PRR16: variants seen among roughly 807,000 people sequenced by gnomAD.
PRR16 encodes proline rich 16, also known as protein Largen.
A neutral mutation model predicts 18.2 loss-of-function variants in PRR16; 6 were observed. That is an observed-to-expected ratio of 0.33 (90% CI 0.18 to 0.65). The LOEUF (loss-of-function observed/expected upper bound fraction) is 0.65, where lower values mean the gene tolerates loss of function less well. PRR16 is among the 30% of genes least tolerant of loss of function. PRR16 has a pLI of 0.74. For missense variants in PRR16, 412 were observed against 376.6 expected (o/e 1.09, Z -0.78); for synonymous variants, 151 against 147.8 (o/e 1.02, Z -0.16).
At chr5:120,651,938 A>G (rs894763341) in intron 1 of PRR16, among the ~76,000 whole-genome samples, 103 of 152,012 alleles carry the variant, frequency 6.8e-4, no homozygotes, top group African/African-American at 2.3e-3. Context: ...CATTTTCACG[A>G]TATTGATTCT....
chr5:120,733,767 C>A, the PRR16 span, among the ~76,000 whole-genome samples: 2 of 152,042 alleles, frequency 1.3e-5, no homozygotes, highest in African/African-American at 4.8e-5. Flanking sequence ...AAAATAGTTT[C>A]TAAAAATTTT....
chr5:120,769,336 C>A, the PRR16 span, among the ~76,000 whole-genome samples: 1 of 151,742 alleles, frequency 6.6e-6, no homozygotes, highest in African/African-American at 2.4e-5. Flanking sequence ...TTTCTTGTGT[C>A]TCCCCCTCCC....
the PRR16 span, among the ~76,000 whole-genome samples, chr5:120,779,897 C>G: frequency 6.6e-6 from 1 of 152,134 alleles, no homozygotes; most frequent in South Asian, 2.1e-4. Flanking sequence ...TTTCAAGAAT[C>G]AAGCTCTTGG....
At chr5:120,617,074 G>A in intron 1 of PRR16, 1 of 977,702 alleles carries the variant, frequency 1.0e-6, no homozygotes, top group Non-Finnish European at 1.2e-6. Context: ...ATTTTTTAAA[G>A]TTTTCTAATT....
At chr5:120,770,774 G>T in the PRR16 span, among the ~76,000 whole-genome samples, 1 of 151,898 alleles carries the variant, frequency 6.6e-6, no homozygotes, top group African/African-American at 2.4e-5. Flanking sequence ...TGTTTTCACT[G>T]ACTAGCTCTC....
At chr5:120,758,482 G>A in the PRR16 span, among the ~76,000 whole-genome samples, 35 of 152,126 alleles carry the variant, frequency 2.3e-4, no homozygotes, top group Middle Eastern at 6.8e-3. Flanking sequence ...ATATGGTTTC[G>A]CTTTGTGTCC....
At chr5:120,525,033 A>G (rs1249444600) in intron 1 of PRR16, among the ~76,000 whole-genome samples, 1 of 152,048 alleles carries the variant, frequency 6.6e-6, no homozygotes, top group Admixed American at 6.6e-5. Context: ...GCCAGTCTAT[A>G]AGTCTTCTTG....
intron 1 of PRR16, among the ~76,000 whole-genome samples, chr5:120,626,994 T>C (rs1295507759): frequency 6.6e-6 from 1 of 152,158 alleles, no homozygotes; most frequent in African/African-American, 2.4e-5. Context: ...ATTATATTTA[T>C]ATATAAAGGA....
the PRR16 span, among the ~76,000 whole-genome samples, chr5:120,745,402 G>A: frequency 6.6e-6 from 1 of 152,112 alleles, no homozygotes; most frequent in African/African-American, 2.4e-5. Context: ...TCTTTAAGCA[G>A]CATCCACTCT....
intron 1 of PRR16, among the ~76,000 whole-genome samples, chr5:120,593,990 A>G (rs1345502746): frequency 6.6e-6 from 1 of 152,002 alleles, no homozygotes; most frequent in African/African-American, 2.4e-5. Flanking sequence ...GAGGCACAGA[A>G]GGAACGTACT....
intron 1 of PRR16, among the ~76,000 whole-genome samples, chr5:120,662,099 A>T (rs1181572715): frequency 1.3e-5 from 2 of 152,130 alleles, no homozygotes; most frequent in African/African-American, 4.8e-5. Flanking sequence ...ACATCCTGAC[A>T]TGGAATGCTG....
intron 1 of PRR16, among the ~76,000 whole-genome samples, chr5:120,548,365 C>G (rs1752139978): frequency 6.6e-6 from 1 of 152,044 alleles, no homozygotes; most frequent in Admixed American, 6.6e-5. Flanking sequence ...ACAAGTCTCT[C>G]CTTAAAGCTC....
the PRR16 span, among the ~76,000 whole-genome samples, chr5:120,698,460 C>T: frequency 1.3e-5 from 2 of 149,722 alleles, no homozygotes; most frequent in Non-Finnish European, 3.0e-5. Context: ...TTTAGAGTGG[C>T]GGTTTGGGGA....
chr5:120,558,317 C>G (rs964025361), intron 1 of PRR16, among the ~76,000 whole-genome samples: 1 of 151,828 alleles, frequency 6.6e-6, no homozygotes, highest in Admixed American at 6.6e-5. Context: ...TTTTCAGCCT[C>G]TGGTAACCAT....
chr5:120,488,158 C>T (rs970572458), intron 1 of PRR16, among the ~76,000 whole-genome samples: 1 of 152,150 alleles, frequency 6.6e-6, no homozygotes, highest in African/African-American at 2.4e-5. Context: ...TGATGCTGGC[C>T]TCATAAAATG....
At chr5:120,785,026 A>G in the PRR16 span, among the ~76,000 whole-genome samples, 4 of 152,218 alleles carry the variant, frequency 2.6e-5, no homozygotes, top group South Asian at 8.3e-4. Context: ...TGATAAGTGC[A>G]AATAAAAGGA....
chr5:120,596,140 CTTT>C (rs70985229), intron 1 of PRR16, among the ~76,000 whole-genome samples: 220 of 145,306 alleles, frequency 1.5e-3, no homozygotes, highest in Middle Eastern at 3.6e-3. Context: ...TATCTCTTGT[CTTT>C]TTTTTTTTTT....
At chr5:120,628,829 TG>T (rs1754962763) in intron 1 of PRR16, among the ~76,000 whole-genome samples, 1 of 152,174 alleles carries the variant, frequency 6.6e-6, no homozygotes, top group East Asian at 1.9e-4. Flanking sequence ...TTCCTTAATT[TG>T]TTTGAAATAA....
chr5:120,497,481 C>G (rs1347622553), intron 1 of PRR16, among the ~76,000 whole-genome samples: 4 of 146,326 alleles, frequency 2.7e-5, no homozygotes, highest in African/African-American at 1.0e-4. Flanking sequence ...ACCTCCGTCT[C>G]CTGGTTCACA....
Sources: gnomAD v4.1 joint callset for allele counts (sites outside exome capture counted in the v4.1 genomes callset) on GRCh38, gnomAD v4.1.1 for gene constraint, MANE v1.5 for transcripts, NCBI Gene and HGNC (gene_info 2026-07-23, HGNC 2026-07-21) for gene names.